SRSF12: variants seen among roughly 807,000 people sequenced by gnomAD.
SRSF12 encodes the protein serine and arginine rich splicing factor 12.
SRSF12 carries 21 observed loss-of-function variants against 34.1 expected under a neutral mutation model. The ratio of observed to expected loss-of-function variants is 0.62; its 90% CI spans 0.44 to 0.89. The LOEUF is 0.89. Ranked by LOEUF, SRSF12 falls within the 40% of genes least tolerant of loss-of-function variation. The pLI, the probability that SRSF12 is intolerant of heterozygous loss-of-function variation, is 0.00. For missense variants in SRSF12, 278 were observed against 327.8 expected, an observed-to-expected ratio of 0.85 and a Z score of 1.17; for synonymous variants, 111 against 110.8, an observed-to-expected ratio of 1.00 and a Z score of -0.01.
chr6:89,112,834 A>T (rs571813626), intron 1 of SRSF12, among the ~76,000 whole-genome samples: 3 of 152,340 alleles, frequency 2.0e-5, no homozygotes, highest in East Asian at 3.9e-4. Context: ...TAATCTTATA[A>T]CAAAGCTGTC....
chr6:89,112,332 T>C (rs1475277770), intron 1 of SRSF12, among the ~76,000 whole-genome samples: 2 of 150,976 alleles, frequency 1.3e-5, no homozygotes, highest in Admixed American at 1.3e-4. Context: ...AAAAATTTGT[T>C]TTGTTTTAAA....
rs1487181261 is a variant in SRSF12 at position 89,098,794 on chromosome 6, C to G, written c.570G>C (p.Lys190Asn). Reference protein sequence around the residue: ...SRSKSLQKRSKSIGKSQSSSP... With the variant: ...SRSKSLQKRSNSIGKSQSSSP... ...AACTTGACTGTGATTTTCCTATTGA[C>G]TTGGACCTCTTTTGTAAGGACTTGG... The change falls in exon 5 of 5, where the codon AAG becomes AAC. Residue 190 changes from lysine to asparagine, a missense_variant. Lys to Asn is a moderately conservative substitution (Grantham distance 94, BLOSUM62 0). Transcript: ENST00000452027. The G allele has an allele frequency of 3.7e-6, 6 of 1,613,942 alleles. No individual in the cohort carries two copies. The highest frequency in any genetic ancestry group is 5.1e-6 in the Non-Finnish European group (6 of 1,179,890).
rs1456668799 is a variant in SRSF12, at chr6:89,098,211, G to GA, written c.*366dup. 5.0e-5 allele frequency: 8 copies of GA among 160,944 alleles called. No homozygotes were observed. The Admixed American group carries it at 5.0e-4, about 10-fold the overall frequency. The allele number at this position is 160,944 out of a possible 1,614,324, so 10.0% of individuals were successfully genotyped here. On this transcript the variant is annotated 3_prime_UTR_variant, in exon 5 of 5. Coordinates refer to ENST00000452027, the MANE Select transcript of SRSF12 (RefSeq NM_080743.5). ...ATACAGTCATAGTTACTTTTTACATGAAAGTGCTTTAAAGTCAAAAATATT... is the reference window on the plus strand; with the variant it reads ...ATACAGTCATAGTTACTTTTTACATGAAAAGTGCTTTAAAGTCAAAAATATT...
chr6:89,108,751 T>TA (rs886527486), intron 1 of SRSF12, among the ~76,000 whole-genome samples: 1 of 152,206 alleles, frequency 6.6e-6, no homozygotes, highest in African/African-American at 2.4e-5. Flanking sequence ...AGAACACTGA[T>TA]AAGAGTTCTA....
chr6:89,108,982 G>A (rs1768919455), intron 1 of SRSF12, among the ~76,000 whole-genome samples: 3 of 152,104 alleles, frequency 2.0e-5, no homozygotes, highest in African/African-American at 7.2e-5. Flanking sequence ...TAGTTTCTGA[G>A]GACAGTGACA....
rs540202395 is a variant in SRSF12, at chr6:89,096,126, G to A, written c.*2452C>T. The A allele has an allele frequency of 1.6e-4, 25 of 152,156 alleles. No homozygotes were observed. The highest frequency in any genetic ancestry group is 4.1e-4 in the African/African-American group (17 of 41,486). The allele number at this position is 152,156 out of a possible 1,614,324, so 9.4% of individuals were successfully genotyped here. On this transcript the variant is annotated 3_prime_UTR_variant, in exon 5 of 5. Coordinates refer to ENST00000452027, the MANE Select transcript of SRSF12 (RefSeq NM_080743.5). ...CCTAGTCACAAAAGTCATTTTCATC[G>A]AAGCCTACAGTCATTCCTTTTTCTA...
chr6:89,104,026 G>A (rs11966693), intron 4 of SRSF12, among the ~76,000 whole-genome samples: 80,657 of 119,408 alleles, frequency 0.68, 27,662 homozygotes, highest in East Asian at 0.8. Flanking sequence ...TTGGAGAGAC[G>A]GAGTCTCACC....
At chr6:89,105,367 C>G (rs1390758526) in intron 3 of SRSF12, 60 bp downstream of exon 3, 1 of 1,560,722 alleles carries the variant, frequency 6.4e-7, no homozygotes, top group African/African-American at 1.4e-5. Context: ...ATTAAAAAAT[C>G]AGTCATCACT....
intron 2 of SRSF12, 179 bp downstream of exon 2, chr6:89,106,975 G>C (rs1249045337): frequency 1.5e-6 from 1 of 663,170 alleles, no homozygotes; most frequent in Non-Finnish European, 2.7e-6. Context: ...TAGCTAACAG[G>C]TTGGTTCAAA....
chr6:89,105,048 C>A, intron 4 of SRSF12, 71 bp downstream of exon 4: 1 of 1,367,370 alleles, frequency 7.3e-7, no homozygotes, highest in Non-Finnish European at 9.7e-7. Context: ...ACAATGAGAC[C>A]CTATCAAAAA....
chr6:89,116,939 T>G (rs1266950326), intron 1 of SRSF12, among the ~76,000 whole-genome samples: 1 of 152,128 alleles, frequency 6.6e-6, no homozygotes, highest in East Asian at 1.9e-4. Flanking sequence ...CCGCTCTCCC[T>G]TATGTACAAT....
intron 4 of SRSF12, among the ~76,000 whole-genome samples, chr6:89,099,417 T>C (rs60757845): frequency 0.015 from 1,942 of 131,536 alleles, 46 homozygotes; most frequent in East Asian, 0.064. Context: ...TATATATACA[T>C]ATATATATGT....
At chr6:89,112,804 T>C (rs192591792) in intron 1 of SRSF12, among the ~76,000 whole-genome samples, 72 of 152,324 alleles carry the variant, frequency 4.7e-4, no homozygotes, top group African/African-American at 1.6e-3. Flanking sequence ...TGATGAACCA[T>C]ATATATCATG....
intron 1 of SRSF12, among the ~76,000 whole-genome samples, chr6:89,113,578 G>C (rs1052238773): frequency 6.6e-6 from 1 of 152,206 alleles, no homozygotes; most frequent in Non-Finnish European, 1.5e-5. Context: ...CAAAGTGCTG[G>C]GATTATAGAT....
intron 4 of SRSF12, among the ~76,000 whole-genome samples, chr6:89,103,512 A>G: frequency 6.6e-6 from 1 of 152,134 alleles, no homozygotes; most frequent in Middle Eastern, 3.2e-3. Context: ...TATTTTTAGT[A>G]GACACGGGGT....
rs557642168 is a variant in SRSF12, at chr6:89,096,950, C to T, written c.*1628G>A. On this transcript the variant is annotated 3_prime_UTR_variant, in exon 5 of 5. Coordinates refer to ENST00000452027, the MANE Select transcript of SRSF12 (RefSeq NM_080743.5). ...ATTTTATAACTAAATTTTATTATAG[C>T]GGAATAATTCAAAGAGTTGTAGTTT... 1.1e-3 allele frequency: 170 copies of T among 152,164 alleles called. 1 individual carries two copies. Among genetic ancestry groups the T allele is most frequent in the African/African-American group, 3.6e-3 (149 of 41,498 alleles). The allele number at this position is 152,164 out of a possible 1,614,324, so 9.4% of individuals were successfully genotyped here.
At chr6:89,102,770 G>A (rs780570310) in intron 4 of SRSF12, among the ~76,000 whole-genome samples, 13 of 150,780 alleles carry the variant, frequency 8.6e-5, no homozygotes, top group Middle Eastern at 3.4e-3. Context: ...TATTTGTTGT[G>A]AGACAGAGTC....
At chr6:89,100,304 A>G (rs1447263515) in intron 4 of SRSF12, among the ~76,000 whole-genome samples, 1 of 152,242 alleles carries the variant, frequency 6.6e-6, no homozygotes, top group East Asian at 1.9e-4. Context: ...AATGAGGAAC[A>G]TTAGGTAACA....
intron 2 of SRSF12, 168 bp from the exon 3 acceptor site, chr6:89,105,698 T>A (rs1768750679): frequency 4.6e-6 from 2 of 437,326 alleles, no homozygotes; most frequent in Non-Finnish European, 8.0e-6. Flanking sequence ...CTTTTTCTCA[T>A]GAAAACAAAT....
Sources: allele counts gnomAD v4.1 joint callset (sites outside exome capture counted in the v4.1 genomes callset), GRCh38; gene constraint gnomAD v4.1.1; transcripts MANE v1.5; gene names NCBI Gene and HGNC (gene_info 2026-07-23, HGNC 2026-07-21).